Variants in CADM2 observed in about 807,000 individuals in gnomAD.
CADM2 encodes cell adhesion molecule 2, also known as immunoglobulin superfamily member 4D.
In CADM2, 12 loss-of-function variants were observed where a neutral mutation model predicts 49.8. The observed-to-expected ratio is 0.24, with a 90% confidence interval of 0.15 to 0.39. The LOEUF is 0.39. Ranked by LOEUF, CADM2 falls within the 10% of genes least tolerant of loss-of-function variation. The pLI, the probability that CADM2 is intolerant of heterozygous loss-of-function variation, is 1.00. For missense variants in CADM2, 378 were observed against 492.3 expected (o/e 0.77, Z 2.20); for synonymous variants, 214 against 175.4 (o/e 1.22, Z -1.74).
At chr3:85,266,408 A>C (rs896162559) in intron 1 of CADM2, among the ~76,000 whole-genome samples, 1 of 151,890 alleles carries the variant, frequency 6.6e-6, no homozygotes, top group African/African-American at 2.4e-5. Flanking sequence ...TAGATAATAG[A>C]TTCAGACTGT....
At chr3:85,523,211 A>G (rs956382514) in intron 1 of CADM2, among the ~76,000 whole-genome samples, 2 of 152,098 alleles carry the variant, frequency 1.3e-5, no homozygotes, top group Non-Finnish European at 2.9e-5. Context: ...AAAGCCTTCA[A>G]TATATGGTGA....
intron 2 of CADM2, among the ~76,000 whole-genome samples, chr3:85,746,801 A>G (rs1048919678): frequency 2.6e-5 from 4 of 152,000 alleles, no homozygotes; most frequent in African/African-American, 9.7e-5. Context: ...TCTTCTACTC[A>G]TTGATTTTTC....
At chr3:85,541,743 A>T (rs796223166) in intron 1 of CADM2, among the ~76,000 whole-genome samples, 1,220 of 29,770 alleles carry the variant, frequency 0.041, 42 homozygotes, top group East Asian at 0.24. Context: ...TTATATATAT[A>T]TTTTATATAT....
intron 3 of CADM2, among the ~76,000 whole-genome samples, chr3:85,858,708 T>A (rs1289945018): frequency 6.6e-6 from 1 of 152,194 alleles, no homozygotes; most frequent in Non-Finnish European, 1.5e-5. Flanking sequence ...CACTGGCAGG[T>A]CAACAGTTTA....
chr3:85,317,845 A>G (rs989518630), intron 1 of CADM2, among the ~76,000 whole-genome samples: 1 of 152,230 alleles, frequency 6.6e-6, no homozygotes, highest in Non-Finnish European at 1.5e-5. Context: ...TTATTAGCAT[A>G]GCATGAATAT....
At chr3:85,917,622 T>G (rs62261750) in intron 6 of CADM2, among the ~76,000 whole-genome samples, 48,357 of 152,052 alleles carry the variant, frequency 0.32, 8,867 homozygotes, top group East Asian at 0.42. Context: ...GCTTTGTTCT[T>G]TTGGCTTAGG....
chr3:85,073,713 A>G (rs926588230), intron 1 of CADM2, among the ~76,000 whole-genome samples: 3 of 152,114 alleles, frequency 2.0e-5, no homozygotes, highest in Non-Finnish European at 2.9e-5. Flanking sequence ...TCTATCCAAT[A>G]TATGATCGTT....
chr3:85,607,132 A>G lies in CADM2; in HGVS notation c.62-119390A>G, dbSNP rs75232235. 3.4e-3 allele frequency among the ~76,000 whole-genome samples: 514 copies of G among 152,296 alleles called. 1 individual carries two copies. Among genetic ancestry groups the G allele is most frequent in the Non-Finnish European group, 5.6e-3 (380 of 68,018 alleles). ...TCATAAAACTTTTAAAAAAGAGAAA[A>G]AAAATTAAGAGGTTTAAGAAGATGA... On this transcript the variant is annotated intron_variant, in intron 1 of 9. Coordinates refer to ENST00000383699, the MANE Select transcript of CADM2 (RefSeq NM_001167675.2).
chr3:85,507,543 T>C (rs1010311555), intron 1 of CADM2, among the ~76,000 whole-genome samples: 1 of 152,194 alleles, frequency 6.6e-6, no homozygotes, highest in Non-Finnish European at 1.5e-5. Flanking sequence ...ACATTATTTA[T>C]ATCCAAACAT....
chr3:85,213,504 C>G (rs570867277), intron 1 of CADM2, among the ~76,000 whole-genome samples: 1 of 152,162 alleles, frequency 6.6e-6, no homozygotes, highest in Admixed American at 6.5e-5. Flanking sequence ...CTTTCTTCAT[C>G]CTTGACCTTT....
At chr3:85,026,541 C>T (rs996804211) in intron 1 of CADM2, among the ~76,000 whole-genome samples, 30 of 152,022 alleles carry the variant, frequency 2.0e-4, no homozygotes, top group African/African-American at 7.0e-4. Context: ...TATATTTTGT[C>T]CAAATTGTAG....
chr3:85,089,929 G>A (rs971018375), intron 1 of CADM2, among the ~76,000 whole-genome samples: 2 of 152,106 alleles, frequency 1.3e-5, no homozygotes, highest in African/African-American at 4.8e-5. Context: ...TATTGGCGGG[G>A]ACTGAAAGTT....
intron 1 of CADM2, among the ~76,000 whole-genome samples, chr3:85,360,328 TCTATC>T (rs1462713959): frequency 2.0e-5 from 3 of 152,144 alleles, no homozygotes; most frequent in Non-Finnish European, 4.4e-5. Context: ...AAGTATATGT[TCTATC>T]CTATCAAAAA....
At chr3:85,770,355 T>C (rs916650839) in intron 2 of CADM2, among the ~76,000 whole-genome samples, 1 of 152,100 alleles carries the variant, frequency 6.6e-6, no homozygotes, top group Non-Finnish European at 1.5e-5. Context: ...TCACCTGGGC[T>C]GGAGTGCAGC....
At chr3:85,918,701 A>T (rs1388871720) in intron 6 of CADM2, among the ~76,000 whole-genome samples, 3 of 152,146 alleles carry the variant, frequency 2.0e-5, no homozygotes, top group Admixed American at 6.6e-5. Flanking sequence ...TTTCACAATG[A>T]ATCACAAATA....
At chr3:85,831,562 G>A (rs922261488) in intron 3 of CADM2, among the ~76,000 whole-genome samples, 1 of 151,864 alleles carries the variant, frequency 6.6e-6, no homozygotes, top group African/African-American at 2.4e-5. Flanking sequence ...TGGCTTTGAT[G>A]TGCATTTATC....
chr3:85,990,042 A>AAAAAAAAAAAAAAAAAAAACAAAAAAG (rs1436572625), intron 8 of CADM2, among the ~76,000 whole-genome samples: 1 of 108,002 alleles, frequency 9.3e-6, no homozygotes, highest in Non-Finnish European at 2.0e-5. Flanking sequence ...AAAAAAAAAA[A>AAAAAAAAAAAAAAAAAAAACAAAAAAG]AAGAAGACTA....
At chr3:85,273,596 A>G (rs995133027) in intron 1 of CADM2, among the ~76,000 whole-genome samples, 4 of 151,300 alleles carry the variant, frequency 2.6e-5, no homozygotes, top group African/African-American at 4.8e-5. Flanking sequence ...ACCCCCCCCA[A>G]ATTTTGATCT....
intron 3 of CADM2, among the ~76,000 whole-genome samples, chr3:85,808,198 C>T (rs965455425): frequency 4.6e-5 from 7 of 152,128 alleles, no homozygotes; most frequent in African/African-American, 1.4e-4. Context: ...TCTGCAAAAA[C>T]TAAATAGAAA....
Sources: gnomAD v4.1 joint callset for allele counts (sites outside exome capture counted in the v4.1 genomes callset) on GRCh38, gnomAD v4.1.1 for gene constraint, MANE v1.5 for transcripts, NCBI Gene and HGNC (gene_info 2026-07-23, HGNC 2026-07-21) for gene names.